The following CNTN4 variants were observed in gnomAD, a reference collection of about 807,000 sequenced individuals.
CNTN4 encodes the protein contactin-4.
Under a neutral mutation model 122.5 loss-of-function variants are expected in CNTN4, and 77 were observed. The ratio of observed to expected loss-of-function variants is 0.63; its 90% CI spans 0.52 to 0.76. CNTN4 has a LOEUF of 0.76. Ranked by LOEUF, CNTN4 falls within the 30% of genes least tolerant of loss-of-function variation. The probability of loss-of-function intolerance (pLI) is 0.00; values close to 1 mark genes in which losing one functional copy is unlikely to be tolerated. For synonymous variants in CNTN4, 512 were observed against 447.0 expected, an observed-to-expected ratio of 1.15 and a Z score of -1.83; for missense variants, 1,256 against 1,259.1, an observed-to-expected ratio of 1.00 and a Z score of 0.04.
intron 13 of CNTN4, among the ~76,000 whole-genome samples, chr3:2,942,415 GT>G (rs2094624839): frequency 6.6e-6 from 1 of 152,166 alleles, no homozygotes; most frequent in Non-Finnish European, 1.5e-5. Context: ...TAATTATCGT[GT>G]TTATAAAATT....
At chr3:2,287,700 GAAGAAGAAGAGGAAGAAGAAGAAGAA>G (rs1559415878) in intron 2 of CNTN4, among the ~76,000 whole-genome samples, 3,152 of 77,112 alleles carry the variant, frequency 0.041, 128 homozygotes, top group East Asian at 0.073. Context: ...AGAGGAAGAA[GAAGAAGAAGAGGAAGAAGAAGAAGAA>G]GAAGAAGAAG....
At chr3:2,947,716 A>T (rs1159897246) in intron 13 of CNTN4, among the ~76,000 whole-genome samples, 1 of 152,336 alleles carries the variant, frequency 6.6e-6, no homozygotes, top group East Asian at 1.9e-4. Context: ...TTAAAATCTG[A>T]GTATAAAAGC....
intron 6 of CNTN4, among the ~76,000 whole-genome samples, chr3:2,799,944 G>A (rs867335817): frequency 1.9e-4 from 29 of 152,002 alleles, no homozygotes; most frequent in Non-Finnish European, 1.2e-4. Context: ...GTTGGCTGTA[G>A]GTATGTGGCT....
rs116810848 is a variant in CNTN4 at position 2,905,652 on chromosome 3, G to A, written c.1207+2647G>A. ...AGAGCAGTCAAGATAAAATGAAAAT[G>A]CCTGAGAAATTATTTAACCATGTTT... On this transcript the variant is annotated intron_variant, in intron 12 of 24. Transcript: ENST00000418658. Among the ~76,000 whole-genome samples, 155 of 152,296 alleles carry A rather than the reference G, an allele frequency of 1.0e-3. 2 individuals carry two copies. The highest frequency in any genetic ancestry group is 3.5e-3 in the African/African-American group (144 of 41,578).
chr3:2,323,876 T>C (rs1385167099), intron 2 of CNTN4, among the ~76,000 whole-genome samples: 1 of 152,196 alleles, frequency 6.6e-6, no homozygotes, highest in East Asian at 1.9e-4. Flanking sequence ...TTGTGTGTTT[T>C]TGGAAATCTG....
chr3:2,369,207 G>T (rs1252647146), intron 3 of CNTN4, among the ~76,000 whole-genome samples: 1 of 152,170 alleles, frequency 6.6e-6, no homozygotes, highest in Non-Finnish European at 1.5e-5. Context: ...ACAGGCGTGA[G>T]CCACCACACC....
intron 2 of CNTN4, among the ~76,000 whole-genome samples, chr3:2,225,083 G>C (rs2039222612): frequency 2.6e-5 from 4 of 151,192 alleles, no homozygotes; most frequent in Admixed American, 2.0e-4. Flanking sequence ...CCGGGAGGTA[G>C]AGCTTGCAAG....
chr3:3,009,485 G>C (rs1381782282), intron 14 of CNTN4, among the ~76,000 whole-genome samples: 1 of 151,638 alleles, frequency 6.6e-6, no homozygotes, highest in Non-Finnish European at 1.5e-5. Context: ...CCAGGCTGGA[G>C]TGCAGTGGCG....
chr3:2,308,952 G>T (rs895269909), intron 2 of CNTN4, among the ~76,000 whole-genome samples: 1 of 152,080 alleles, frequency 6.6e-6, no homozygotes, highest in Non-Finnish European at 1.5e-5. Flanking sequence ...TTGGAGTGGA[G>T]TGTTCTATAC....
intron 4 of CNTN4, among the ~76,000 whole-genome samples, chr3:2,681,903 A>G (rs541731217): frequency 2.0e-5 from 3 of 152,218 alleles, no homozygotes; most frequent in South Asian, 4.2e-4. Flanking sequence ...AATGACTTAC[A>G]TTTTGGAAAA....
chr3:2,520,573 C>A (rs908793880), intron 3 of CNTN4, among the ~76,000 whole-genome samples: 3 of 151,930 alleles, frequency 2.0e-5, no homozygotes, highest in African/African-American at 7.3e-5. Context: ...CACATCCAGC[C>A]CTTTTTTCCT....
chr3:2,629,094 A>G (rs575943714), intron 4 of CNTN4, among the ~76,000 whole-genome samples: 1 of 152,150 alleles, frequency 6.6e-6, no homozygotes, highest in East Asian at 1.9e-4. Context: ...TCCCCCCTCA[A>G]ATTGAAGCCT....
At chr3:2,507,907 T>G (rs67733815) in intron 3 of CNTN4, among the ~76,000 whole-genome samples, 1 of 151,826 alleles carries the variant, frequency 6.6e-6, no homozygotes, top group Admixed American at 6.6e-5. Flanking sequence ...CCCCTCAAAT[T>G]TTTTGCTAAT....
At chr3:2,503,617 C>G (rs919093874) in intron 3 of CNTN4, among the ~76,000 whole-genome samples, 1 of 152,080 alleles carries the variant, frequency 6.6e-6, no homozygotes, top group Admixed American at 6.6e-5. Flanking sequence ...GTGGACAACC[C>G]ATGATACCAG....
intron 3 of CNTN4, among the ~76,000 whole-genome samples, chr3:2,540,605 T>A (rs2077994325): frequency 6.6e-6 from 1 of 152,056 alleles, no homozygotes; most frequent in African/African-American, 2.4e-5. Flanking sequence ...TCTATAGAAA[T>A]CCTAATGTGG....
In CNTN4 at chr3:2,908,428, T is replaced by A. The variant is rs186956419; in HGVS notation, c.1207+5423T>A. ...CAAGTCTGAGGCAAGTATTCAGGTA[T>A]CTGCAATTCACTGAAAGAGTGTTCT... On this transcript the variant is annotated intron_variant, in intron 12 of 24. Transcript: ENST00000418658. 8.5e-5 allele frequency among the ~76,000 whole-genome samples: 13 copies of A among 152,294 alleles called. No individual in the cohort carries two copies. In the East Asian group the frequency reaches 2.5e-3, roughly 29 times the overall value.
intron 2 of CNTN4, among the ~76,000 whole-genome samples, chr3:2,195,192 G>A (rs537929938): frequency 6.6e-6 from 1 of 152,160 alleles, no homozygotes; most frequent in Non-Finnish European, 1.5e-5. Flanking sequence ...TCTATGCCGG[G>A]ATCATTTCAC....
chr3:2,810,134 G>A (rs1177715273), intron 6 of CNTN4, among the ~76,000 whole-genome samples: 1 of 152,112 alleles, frequency 6.6e-6, no homozygotes, highest in African/African-American at 2.4e-5. Context: ...AGGGACTTCT[G>A]GGTCGGGAAA....
At chr3:2,940,847 G>A (rs1577345102) in intron 13 of CNTN4, among the ~76,000 whole-genome samples, 1 of 152,174 alleles carries the variant, frequency 6.6e-6, no homozygotes, top group Non-Finnish European at 1.5e-5. Flanking sequence ...GTGCACTTGA[G>A]CAAAAGGGAG....
Sources: gnomAD v4.1 joint callset for allele counts (sites outside exome capture counted in the v4.1 genomes callset) on GRCh38, gnomAD v4.1.1 for gene constraint, MANE v1.5 for transcripts, NCBI Gene and HGNC (gene_info 2026-07-23, HGNC 2026-07-21) for gene names.